Variants in KIAA1671 observed in about 807,000 individuals in gnomAD.
The protein encoded by KIAA1671 is uncharacterized protein KIAA1671.
A neutral mutation model predicts 131.2 loss-of-function variants in KIAA1671; 52 were observed. The ratio of observed to expected loss-of-function variants is 0.40; its 90% CI spans 0.32 to 0.50. The LOEUF is 0.50. Ranked by LOEUF, KIAA1671 falls within the 20% of genes least tolerant of loss-of-function variation. KIAA1671 has a pLI of 0.73. For synonymous variants in KIAA1671, 1,003 were observed against 961.6 expected (o/e 1.04, Z -0.80); for missense variants, 2,360 against 2,364.2 (o/e 1.00, Z 0.04).
Position 25,117,183 on chromosome 22 carries a change from GGT to G in KIAA1671, c.4531-53633_4531-53632del, listed in dbSNP as rs202075193. On this transcript the variant is annotated intron_variant, in intron 6 of 12. Coordinates refer to ENST00000358431, the MANE Select transcript of KIAA1671 (RefSeq NM_001145206.2). Reference sequence around the variant, plus strand: ...TTGAGAACACTGTCGTATATAATGTGGTGTGGGGCACAATAATTGTAGCTGGG... The same window carrying G: ...TTGAGAACACTGTCGTATATAATGTGGTGGGGCACAATAATTGTAGCTGGG... 6.3e-3 allele frequency among the ~76,000 whole-genome samples: 954 copies of G among 152,302 alleles called. 10 individuals carry two copies. Among genetic ancestry groups the G allele is most frequent in the Non-Finnish European group, 7.7e-3 (522 of 68,036 alleles).
intron 1 of KIAA1671, among the ~76,000 whole-genome samples, chr22:24,987,499 C>T (rs1236227103): frequency 6.6e-6 from 1 of 152,138 alleles, no homozygotes; most frequent in Non-Finnish European, 1.5e-5. Flanking sequence ...TGGAGTCTCA[C>T]TCTGTTGCCC....
chr22:25,074,006 G>C (rs1445159701), intron 6 of KIAA1671, among the ~76,000 whole-genome samples: 1 of 152,092 alleles, frequency 6.6e-6, no homozygotes, highest in African/African-American at 2.4e-5. Flanking sequence ...GCCCCATTTT[G>C]TTTTTATGTA....
Position 25,039,675 on chromosome 22 carries a change from G to C in KIAA1671, c.2545G>C (p.Val849Leu), listed in dbSNP as rs1273660436. ...GCACTGTGCTCCCGGGGCCACCTCC[G>C]TCAGGGCTATCAAGGCTGCCATCTG... The part of the protein sequence containing the change: ...EEHCAPGATS[V>L]RAIKAAIWES... The change falls in exon 5 of 13, where the codon GTC becomes CTC. Residue 849 changes from valine to leucine, a missense_variant. By Grantham distance (32) the Val-to-Leu change is conservative (BLOSUM62 1). Coordinates refer to ENST00000358431, the MANE Select transcript of KIAA1671 (RefSeq NM_001145206.2). 14 of 1,527,756 alleles carry C rather than the reference G, an allele frequency of 9.2e-6. No individual in the cohort carries two copies. The highest frequency in any genetic ancestry group is 2.5e-5 in the East Asian group (1 of 40,582). The allele number at this position is 1,527,756 out of a possible 1,614,324, so 94.6% of individuals were successfully genotyped here.
chr22:25,021,185 G>A (rs1219048283), intron 1 of KIAA1671, among the ~76,000 whole-genome samples: 1 of 152,054 alleles, frequency 6.6e-6, no homozygotes, highest in Non-Finnish European at 1.5e-5. Context: ...AGCCTCCTGA[G>A]TAGCTGGGAC....
chr22:24,988,093 T>C (rs1235384452), intron 1 of KIAA1671, among the ~76,000 whole-genome samples: 1 of 152,062 alleles, frequency 6.6e-6, no homozygotes, highest in Admixed American at 6.6e-5. Context: ...TTGGCTAACA[T>C]GGTGAAACCC....
intron 6 of KIAA1671, chr22:25,058,727 C>G (rs1418077349): frequency 2.6e-5 from 4 of 152,180 alleles, no homozygotes; most frequent in Admixed American, 6.5e-5. Flanking sequence ...ATGGATTCCG[C>G]AGGTCAAGAA....
intron 5 of KIAA1671, among the ~76,000 whole-genome samples, chr22:25,045,344 C>G (rs1927164408): frequency 1.3e-5 from 2 of 152,132 alleles, no homozygotes; most frequent in Non-Finnish European, 2.9e-5. Flanking sequence ...TTGTTGTTGT[C>G]ACACCCTGGG....
At chr22:25,149,298 C>T (rs913055386) in intron 6 of KIAA1671, among the ~76,000 whole-genome samples, 1 of 152,214 alleles carries the variant, frequency 6.6e-6, no homozygotes, top group African/African-American at 2.4e-5. Flanking sequence ...GGTTCCTCTT[C>T]CCTGAATCCT....
At position 25,028,244 on chromosome 22, in the gene KIAA1671, C is replaced by A. The variant is rs939387953; in HGVS notation, c.245C>A (p.Pro82Gln). 43 of 1,551,556 alleles carry A rather than the reference C, an allele frequency of 2.8e-5. No individual in the cohort carries two copies. The highest frequency in any genetic ancestry group is 2.2e-4 in the Admixed American group (11 of 50,986). Residue 82 changes from proline (P) to glutamine (Q), a missense_variant, in exon 3 of 13, where the codon CCG becomes CAG. Physicochemically the swap from Pro to Gln is moderately conservative, Grantham distance 76. Around this residue, in one of 3 missense-constraint regions of KIAA1671, gnomAD observed 1,185 missense variants for 1,126.2 expected, o/e 1.05. Transcript: ENST00000358431. ...GAGCAGGACGTGAAATCTCCTGTCC[C>A]GTCTCTGCGGCCCAGTTCGACTGGA... ...SKEQDVKSPV[P>Q]SLRPSSTGPS...
intron 1 of KIAA1671, among the ~76,000 whole-genome samples, chr22:24,984,453 G>A (rs1215096620): frequency 6.6e-6 from 1 of 152,174 alleles, no homozygotes; most frequent in Non-Finnish European, 1.5e-5. Flanking sequence ...CCAGGGCACG[G>A]GAAATAGCCC....
chr22:25,029,476 G>C lies in KIAA1671; in HGVS notation c.1477G>C (p.Ala493Pro). ...AGGCTGGACTGCCGAGAGCTCAGAGGCTAAGCCCGAGGTCAGGAGGAGGAC... is the reference window on the plus strand; with the variant it reads ...AGGCTGGACTGCCGAGAGCTCAGAGCCTAAGCCCGAGGTCAGGAGGAGGAC... ...IRGWTAESSE[A>P]KPEVRRRTFQ... Residue 493 changes from alanine to proline, a missense_variant, in exon 3 of 13, where the codon GCT becomes CCT. By Grantham distance (27) the Ala-to-Pro change is conservative. Coordinates refer to ENST00000358431, the MANE Select transcript of KIAA1671 (RefSeq NM_001145206.2). The C allele has an allele frequency of 1.3e-6, 2 of 1,551,118 alleles. No individual in the cohort carries two copies.
chr22:25,145,143 T>C (rs1281368944), intron 6 of KIAA1671, among the ~76,000 whole-genome samples: 2 of 152,218 alleles, frequency 1.3e-5, no homozygotes, highest in Non-Finnish European at 2.9e-5. Flanking sequence ...ACCTGAGGCC[T>C]GGGGCCCAGC....
At chr22:25,092,737 C>T (rs906866732) in intron 6 of KIAA1671, among the ~76,000 whole-genome samples, 3 of 152,142 alleles carry the variant, frequency 2.0e-5, no homozygotes, top group African/African-American at 4.8e-5. Flanking sequence ...CGGAGGGTCC[C>T]CAGTGTCTGG....
Position 25,040,892 on chromosome 22 carries a change from C to G in KIAA1671, c.3762C>G (p.Pro1254=). Residue 1254 remains proline, a synonymous_variant, in exon 5 of 13, where the codon CCC becomes CCG. Transcript: ENST00000358431. ...EQRRRSLKEM[P]DTGGLWKPAS... is the part of the protein sequence containing the mutation. The stretch of plus-strand genomic sequence containing the variant: ...GAAGGAGGAGCCTGAAGGAGATGCC[C>G]GATACCGGGGGTCTCTGGAAACCGG... The G allele has an allele frequency of 6.6e-7, 1 of 1,524,074 alleles. No individual in the cohort carries two copies. The highest frequency in any genetic ancestry group is 8.8e-7 in the Non-Finnish European group (1 of 1,133,662). 94.4% of individuals were successfully genotyped at this position (1,524,074 alleles called of 1,614,324 possible).
intron 6 of KIAA1671, chr22:25,112,506 G>A (rs575748658): frequency 2.5e-6 from 1 of 398,126 alleles, no homozygotes; most frequent in Non-Finnish European, 4.4e-6. Context: ...AACACTGAAA[G>A]CTCCTCCCCT....
intron 6 of KIAA1671, among the ~76,000 whole-genome samples, chr22:25,093,773 T>C: frequency 9.2e-6 from 1 of 108,832 alleles, no homozygotes; most frequent in East Asian, 2.8e-4. Flanking sequence ...TCTCTGTCTC[T>C]CTCTCTCTCT....
At chr22:25,080,387 G>GA (rs1481151977) in intron 6 of KIAA1671, among the ~76,000 whole-genome samples, 2 of 152,060 alleles carry the variant, frequency 1.3e-5, no homozygotes, top group African/African-American at 4.8e-5. Flanking sequence ...CAGCCCCTTG[G>GA]AAAATCCTCA....
chr22:25,020,873 C>T lies in KIAA1671; in HGVS notation c.-207-4760C>T, dbSNP rs1320147096. Among the ~76,000 whole-genome samples, 11 of 152,136 alleles carry T rather than the reference C, an allele frequency of 7.2e-5. No homozygotes were observed. In the South Asian group the frequency reaches 1.2e-3, roughly 17 times the overall value. On this transcript the variant is annotated intron_variant, in intron 1 of 12. Transcript: ENST00000358431. ...AGTCATTATAATGAAGCTGGGGAGA[C>T]GAAGAGGATCTGGATCCTGTAGGGC...
chr22:25,112,122 T>G (rs2145914848), intron 6 of KIAA1671: 39 of 385,002 alleles, frequency 1.0e-4, no homozygotes, highest in East Asian at 1.5e-4. Flanking sequence ...ACACTGGCGT[T>G]TTAATTGCTC....
Sources: gnomAD v4.1 joint callset for allele counts (sites outside exome capture counted in the v4.1 genomes callset) on GRCh38, gnomAD v4.1.1 for gene constraint, gnomAD v4.1.1 regional missense constraint, MANE v1.5 for transcripts, NCBI Gene and HGNC (gene_info 2026-07-23, HGNC 2026-07-21) for gene names.